Variants in TRPC3 observed in about 807,000 individuals in gnomAD.
The protein encoded by TRPC3 is transient receptor potential cation channel subfamily C member 3.
In TRPC3, 54 loss-of-function variants were observed where a neutral mutation model predicts 90.9. The observed-to-expected ratio is 0.59, with a 90% CI of 0.48 to 0.75. TRPC3 has a LOEUF of 0.75. TRPC3 is among the 30% of genes least tolerant of loss of function. The pLI is 0.00. For missense variants in TRPC3, 918 were observed against 1,194.5 expected (o/e 0.77, Z 3.41); for synonymous variants, 424 against 450.9 (o/e 0.94, Z 0.75).
chr4:121,900,352 T>G lies in TRPC3; in HGVS notation c.2464-657A>C, dbSNP rs146040014. ...ATGTATACGAGCAGGGCCTCTTATC[T>G]GTGGCCAAGCTCTGCCACTGTAAGG... On this transcript the variant is annotated intron_variant, in intron 9 of 11. Coordinates refer to ENST00000379645, the MANE Select transcript of TRPC3 (RefSeq NM_001130698.2). 1.5e-3 allele frequency among the ~76,000 whole-genome samples: 231 copies of G among 152,324 alleles called. 1 individual carries two copies. The Middle Eastern group carries it at 0.017, about 11-fold the overall frequency.
chr4:121,922,263 G>A (rs1414968701), intron 3 of TRPC3, among the ~76,000 whole-genome samples: 1 of 151,958 alleles, frequency 6.6e-6, no homozygotes, highest in Non-Finnish European at 1.5e-5. Context: ...GGAGAAATTG[G>A]GGCTTTGCAA....
chr4:121,944,626 T>C (rs1730428226), intron 1 of TRPC3, among the ~76,000 whole-genome samples: 1 of 152,168 alleles, frequency 6.6e-6, no homozygotes, highest in African/African-American at 2.4e-5. Context: ...CTCTTTAATA[T>C]TAATAAAAGG....
In TRPC3 at chr4:121,877,705, A is replaced by G. The variant is rs1182417672; in HGVS notation, c.*2031T>C. On this transcript the variant is annotated 3_prime_UTR_variant, in exon 12 of 12. Transcript: ENST00000379645. ...ATAAGGAAAAAGATGAAATATTAAA[A>G]CTATACCAGTTTGTACATAGTAAAT... Among the ~76,000 whole-genome samples, 1 of 151,804 alleles carries G rather than the reference A, an allele frequency of 6.6e-6. No individual in the cohort carries two copies. Among genetic ancestry groups the G allele is most frequent in the Non-Finnish European group, 1.5e-5 (1 of 67,974 alleles).
chr4:121,945,811 T>C (rs945347097), intron 1 of TRPC3, among the ~76,000 whole-genome samples: 5 of 152,168 alleles, frequency 3.3e-5, no homozygotes, highest in Non-Finnish European at 7.3e-5. Flanking sequence ...AGGGGGACTC[T>C]TGCCCAGTTC....
At chr4:121,919,917 T>C (rs192676017) in intron 3 of TRPC3, among the ~76,000 whole-genome samples, 1 of 152,262 alleles carries the variant, frequency 6.6e-6, no homozygotes, top group African/African-American at 2.4e-5. Flanking sequence ...CACGGTGAAG[T>C]AGGTAGAACT....
intron 3 of TRPC3, among the ~76,000 whole-genome samples, chr4:121,919,200 C>G (rs574308142): frequency 6.6e-6 from 1 of 152,212 alleles, no homozygotes; most frequent in South Asian, 2.1e-4. Context: ...TCAGGGCAGG[C>G]TAGGGAAAAC....
At chr4:121,920,453 G>T (rs1168549313) in intron 3 of TRPC3, among the ~76,000 whole-genome samples, 3 of 152,076 alleles carry the variant, frequency 2.0e-5, no homozygotes, top group African/African-American at 7.2e-5. Context: ...GAACCTGGGA[G>T]GTGGAGGTTG....
At position 121,951,633 on chromosome 4, in the gene TRPC3, GA is replaced by G; in HGVS notation, c.47del (p.Phe16SerfsTer65). ...RKCKEQARVT[F>X]PAPEEEEDEG... is the part of the protein sequence containing the mutation. ...CGTCTTCCTCCTCCTCCGGCGCCGG[GA>G]AGGTCACCCTTGCTTGTTCTTTGCA... On this transcript the variant is annotated frameshift_variant, in exon 1 of 12. Transcript: ENST00000379645. LOFTEE classifies it high-confidence loss of function. The surrounding 1 kb of genome is among the most constrained non-coding windows in gnomAD (Gnocchi z 4.4). 7.0e-7 allele frequency: 1 copy of G among 1,427,862 alleles called. No homozygotes were observed. The highest frequency in any genetic ancestry group is 1.5e-5 in the African/African-American group (1 of 67,268). 88.4% of individuals were successfully genotyped at this position (1,427,862 alleles called of 1,614,324 possible).
At chr4:121,918,243 C>T (rs1191633282) in intron 3 of TRPC3, among the ~76,000 whole-genome samples, 2 of 152,192 alleles carry the variant, frequency 1.3e-5, no homozygotes, top group Non-Finnish European at 2.9e-5. Flanking sequence ...TGATCTTGGA[C>T]TTCCCAGCCT....
At position 121,952,013 on chromosome 4, in the gene TRPC3, C is replaced by T. The variant is rs111866668; in HGVS notation, c.-333G>A. Among the ~76,000 whole-genome samples the T allele has an allele frequency of 6.8e-6, 1 of 146,440 alleles. No individual in the cohort carries two copies. The highest frequency in any genetic ancestry group is 1.5e-5 in the Non-Finnish European group (1 of 66,412). Reference sequence around the variant, plus strand: ...GCGGCGGCGATGCCTCCTCGGCGCCCGTCTCCTGTCTCCGACAGCATCACT... The same window carrying T: ...GCGGCGGCGATGCCTCCTCGGCGCCTGTCTCCTGTCTCCGACAGCATCACT... On this transcript the variant is annotated 5_prime_UTR_variant, in exon 1 of 12. Transcript: ENST00000379645.
intron 1 of TRPC3, among the ~76,000 whole-genome samples, chr4:121,944,793 T>C (rs1387501736): frequency 6.6e-6 from 1 of 152,206 alleles, no homozygotes; most frequent in Non-Finnish European, 1.5e-5. Flanking sequence ...TTGGATTTCA[T>C]AAATAAATTA....
rs1422596613 is a variant in TRPC3, at chr4:121,929,396, A to G, written c.987+2875T>C. Among the ~76,000 whole-genome samples, 4 of 152,054 alleles carry G rather than the reference A, an allele frequency of 2.6e-5. No homozygotes were observed. In the South Asian group the frequency reaches 8.3e-4, roughly 32 times the overall value. ...AGCAAACGCCTCTCCCTACTTCTTT[A>G]TTTTTACAAAAAAGGTGCGTCATTG... is the stretch of plus-strand genomic sequence containing the variant. On this transcript the variant is annotated intron_variant, in intron 2 of 11. Transcript: ENST00000379645.
At chr4:121,935,039 A>G (rs1405315605) in intron 1 of TRPC3, among the ~76,000 whole-genome samples, 1 of 152,208 alleles carries the variant, frequency 6.6e-6, no homozygotes, top group Non-Finnish European at 1.5e-5. Context: ...CAACACATGA[A>G]GATTTTGAAG....
intron 1 of TRPC3, 128 bp from the exon 2 acceptor site, chr4:121,933,170 G>T: frequency 2.2e-6 from 3 of 1,383,590 alleles, no homozygotes; most frequent in South Asian, 2.0e-5. Flanking sequence ...CGGCTCAGTT[G>T]CTAGCGATAC....
At chr4:121,926,548 A>T (rs1173669556) in intron 2 of TRPC3, among the ~76,000 whole-genome samples, 1 of 151,922 alleles carries the variant, frequency 6.6e-6, no homozygotes, top group African/African-American at 2.4e-5. Context: ...CTGGGATTAT[A>T]GGCATGTGCC....
At position 121,908,561 on chromosome 4, in the gene TRPC3, A is replaced by T. The variant is rs571032388; in HGVS notation, c.1793-994T>A. The stretch of plus-strand genomic sequence containing the variant: ...CTATGCAGCCACAAAAAAGAACAAA[A>T]ATCATGTCCTTTGCAGCAACATGAA... On this transcript the variant is annotated intron_variant, in intron 6 of 11. Transcript: ENST00000379645. Among the ~76,000 whole-genome samples, 32 of 152,240 alleles carry T rather than the reference A, an allele frequency of 2.1e-4. No homozygotes were observed. The Middle Eastern group carries it at 0.01, about 49-fold the overall frequency.
At chr4:121,924,947 C>T in intron 3 of TRPC3, 71 bp downstream of exon 3, 1 of 1,467,450 alleles carries the variant, frequency 6.8e-7, no homozygotes, top group Non-Finnish European at 9.2e-7. Context: ...AATAATTTTC[C>T]TAGGATTATG....
intron 1 of TRPC3, among the ~76,000 whole-genome samples, chr4:121,937,877 A>T (rs1024834396): frequency 6.6e-6 from 1 of 152,070 alleles, no homozygotes; most frequent in African/African-American, 2.4e-5. Context: ...TTTAAAACCA[A>T]ATATCCTATA....
chr4:121,913,116 A>G (rs1215267016), intron 4 of TRPC3, among the ~76,000 whole-genome samples: 4 of 152,248 alleles, frequency 2.6e-5, no homozygotes, highest in African/African-American at 9.6e-5. Flanking sequence ...GGGATTGAAC[A>G]TGAATGCACA....
Sources: allele counts gnomAD v4.1 joint callset (sites outside exome capture counted in the v4.1 genomes callset), GRCh38; gene constraint gnomAD v4.1.1; non-coding constraint Gnocchi (gnomAD v3.1); transcripts MANE v1.5; gene names NCBI Gene and HGNC (gene_info 2026-07-23, HGNC 2026-07-21).